The following NCOA2 variants were observed in gnomAD, a reference collection of about 807,000 sequenced individuals.
NCOA2 encodes the protein class E basic helix-loop-helix protein 75.
NCOA2 carries 21 observed loss-of-function variants against 145.1 expected under a neutral mutation model. That is an observed-to-expected ratio of 0.14 (90% CI 0.10 to 0.21). The LOEUF is 0.21. Among genes scored for constraint, NCOA2 ranks in the 10% least tolerant of loss-of-function variants. The pLI is 1.00. For missense variants in NCOA2, 1,472 were observed against 1,837.6 expected (o/e 0.80, Z 3.64); for synonymous variants, 619 against 637.5 (o/e 0.97, Z 0.44).
chr8:70,437,583 G>C, the NCOA2 span, among the ~76,000 whole-genome samples: 2 of 152,158 alleles, frequency 1.3e-5, no homozygotes, highest in Admixed American at 1.3e-4. Flanking sequence ...GTGTTTTTCT[G>C]GTAAAATTTA....
chr8:70,122,532 T>C (rs1585722517), intron 21 of NCOA2, among the ~76,000 whole-genome samples: 1 of 152,198 alleles, frequency 6.6e-6, no homozygotes, highest in Non-Finnish European at 1.5e-5. Context: ...GCTGGGATTA[T>C]AGGCACAAGC....
chr8:70,225,289 G>A (rs750522559), intron 2 of NCOA2, among the ~76,000 whole-genome samples: 1 of 152,146 alleles, frequency 6.6e-6, no homozygotes, highest in Non-Finnish European at 1.5e-5. Flanking sequence ...AGTGGCTCAC[G>A]CCTGTAATCC....
chr8:70,219,361 C>T (rs1056367046), intron 2 of NCOA2, among the ~76,000 whole-genome samples: 3 of 152,186 alleles, frequency 2.0e-5, no homozygotes, highest in Non-Finnish European at 4.4e-5. Context: ...CTGCAACTTT[C>T]GGCTTGATGA....
At chr8:70,164,628 C>G (rs1057034555) in intron 7 of NCOA2, among the ~76,000 whole-genome samples, 18 of 152,028 alleles carry the variant, frequency 1.2e-4, no homozygotes, top group Non-Finnish European at 5.9e-5. Context: ...TCTTTCTCAA[C>G]TTTTACAGAA....
At chr8:70,214,296 G>A (rs1330075825) in intron 3 of NCOA2, among the ~76,000 whole-genome samples, 2 of 152,158 alleles carry the variant, frequency 1.3e-5, no homozygotes, top group Non-Finnish European at 1.5e-5. Flanking sequence ...TGTTCAATGT[G>A]TTTGGCGTCT....
intron 1 of NCOA2, among the ~76,000 whole-genome samples, chr8:70,326,586 T>C (rs1279743603): frequency 2.0e-5 from 3 of 152,042 alleles, no homozygotes; most frequent in African/African-American, 7.2e-5. Flanking sequence ...GGAAAACTGA[T>C]AGCAAATTTT....
the NCOA2 span, among the ~76,000 whole-genome samples, chr8:70,421,179 T>C: frequency 6.6e-6 from 1 of 152,066 alleles, no homozygotes; most frequent in East Asian, 1.9e-4. Flanking sequence ...ACTAATACAC[T>C]AAGAGGAAAG....
In NCOA2 at chr8:70,124,571, T is replaced by C. The variant is rs1808194205; in HGVS notation, c.4094+117A>G. 4.6e-6 allele frequency: 5 copies of C among 1,086,898 alleles called. No homozygotes were observed. The Admixed American group carries it at 1.3e-4, about 28-fold the overall frequency. The allele number at this position is 1,086,898 out of a possible 1,614,324, so 67.3% of individuals were successfully genotyped here. A position where few individuals can be genotyped will look rare whatever the true frequency, so the allele number is the denominator to read the frequency against. ...GAAGGCGGTGACCTAGAAGCCATCC[T>C]TTATCACTACGTTTGATAAAAACAA... On this transcript the variant is annotated intron_variant, in intron 20 of 22. Transcript: ENST00000452400.
At chr8:70,161,883 A>AT (rs201667723) in intron 9 of NCOA2, among the ~76,000 whole-genome samples, 2,984 of 145,788 alleles carry the variant, frequency 0.02, 70 homozygotes, top group African/African-American at 0.058. Flanking sequence ...AAGCAAAAGA[A>AT]TTTTTTTTTT....
Position 70,113,615 on chromosome 8 carries a change from A to G in NCOA2, c.*17T>C. On this transcript the variant is annotated 3_prime_UTR_variant, in exon 23 of 23. Transcript: ENST00000452400. Reference sequence around the variant, plus strand: ...AGTGAGCCCGGTCAGCTGAAGAAGCAACTGGCTTCAGCAGTGTCAGCAATA... The same window carrying G: ...AGTGAGCCCGGTCAGCTGAAGAAGCGACTGGCTTCAGCAGTGTCAGCAATA... 1.3e-6 allele frequency: 2 copies of G among 1,551,908 alleles called. No homozygotes were observed. The highest frequency in any genetic ancestry group is 1.7e-6 in the Non-Finnish European group (2 of 1,146,964).
At chr8:70,395,007 T>C (rs1173661068) in intron 1 of NCOA2, among the ~76,000 whole-genome samples, 3 of 152,144 alleles carry the variant, frequency 2.0e-5, no homozygotes, top group African/African-American at 4.8e-5. Flanking sequence ...AGTAAATCTG[T>C]TTGGTAAAGG....
intron 16 of NCOA2, 31 bp downstream of exon 16, chr8:70,131,806 T>C: frequency 3.8e-6 from 6 of 1,564,746 alleles, no homozygotes; most frequent in Non-Finnish European, 5.2e-6. Context: ...TGAGAGCGCT[T>C]GGCCCCCACC....
At chr8:70,230,841 G>T (rs770458765) in intron 2 of NCOA2, among the ~76,000 whole-genome samples, 1 of 152,100 alleles carries the variant, frequency 6.6e-6, no homozygotes, top group Non-Finnish European at 1.5e-5. Context: ...ATGTAAGTGT[G>T]TATACAATCA....
chr8:70,386,273 A>G lies in NCOA2; in HGVS notation c.-77+17427T>C, dbSNP rs184217203. On this transcript the variant is annotated intron_variant, in intron 1 of 22. Coordinates refer to ENST00000452400, the MANE Select transcript of NCOA2 (RefSeq NM_006540.4). ...TCTTGGAACTACCACTTTGATAAGC[A>G]AAGTAGATAATTTATATACTCTAAA... 3.2e-3 allele frequency among the ~76,000 whole-genome samples: 480 copies of G among 152,356 alleles called. 1 individual carries two copies. The highest frequency in any genetic ancestry group is 5.6e-3 in the Non-Finnish European group (381 of 68,028).
rs1824757321 is a variant in NCOA2 at position 70,268,111 on chromosome 8, A to T, written c.-20+28633T>A. 2.0e-5 allele frequency among the ~76,000 whole-genome samples: 3 copies of T among 152,194 alleles called. No homozygotes were observed. In the South Asian group the frequency reaches 6.2e-4, roughly 31 times the overall value. ...AGAGAAGCAGCTGCTTTTAAAATCAACTTTAGATTGACTACAATTTGGAGC... is the reference window on the plus strand; with the variant it reads ...AGAGAAGCAGCTGCTTTTAAAATCATCTTTAGATTGACTACAATTTGGAGC... On this transcript the variant is annotated intron_variant, in intron 2 of 22. Coordinates refer to ENST00000452400, the MANE Select transcript of NCOA2 (RefSeq NM_006540.4).
chr8:70,218,620 C>T (rs1290920204), intron 2 of NCOA2, among the ~76,000 whole-genome samples: 1 of 152,192 alleles, frequency 6.6e-6, no homozygotes, highest in African/African-American at 2.4e-5. Context: ...CAGAACCCTT[C>T]TCAGATGATA....
chr8:70,300,342 T>C (rs1164182100), intron 1 of NCOA2, among the ~76,000 whole-genome samples: 1 of 152,232 alleles, frequency 6.6e-6, no homozygotes. Context: ...AATTTTAATG[T>C]TAAAAAATAT....
chr8:70,152,543 C>G (rs937917197), intron 11 of NCOA2, among the ~76,000 whole-genome samples: 3 of 152,150 alleles, frequency 2.0e-5, no homozygotes, highest in African/African-American at 7.2e-5. Flanking sequence ...TAGACTATTT[C>G]CAAACCCTTA....
chr8:70,177,375 T>C (rs1481850454), intron 4 of NCOA2, among the ~76,000 whole-genome samples: 3 of 152,164 alleles, frequency 2.0e-5, no homozygotes, highest in African/African-American at 4.8e-5. Context: ...TTGAACTGTG[T>C]CTGGATCCTC....
Sources: allele counts gnomAD v4.1 joint callset (sites outside exome capture counted in the v4.1 genomes callset), GRCh38; gene constraint gnomAD v4.1.1; transcripts MANE v1.5; gene names NCBI Gene and HGNC (gene_info 2026-07-23, HGNC 2026-07-21).